The following TERF2 variants were observed in gnomAD, a reference collection of about 807,000 sequenced individuals.
TERF2 encodes telomeric repeat binding factor 2, also known as telomeric repeat-binding factor 2.
In TERF2, 16 loss-of-function variants were observed where a neutral mutation model predicts 56.1. That is an observed-to-expected ratio of 0.29 (90% CI 0.19 to 0.43). The LOEUF is 0.43. Among genes scored for constraint, TERF2 ranks in the 20% least tolerant of loss-of-function variants. TERF2 has a pLI of 1.00. For synonymous variants in TERF2, 296 were observed against 282.1 expected (o/e 1.05, Z -0.50); for missense variants, 547 against 712.9 (o/e 0.77, Z 2.65).
At chr16:69,382,865 A>G (rs1265384167) in intron 3 of TERF2, among the ~76,000 whole-genome samples, 1 of 152,202 alleles carries the variant, frequency 6.6e-6, no homozygotes, top group Non-Finnish European at 1.5e-5. Flanking sequence ...CTGAAAGATA[A>G]TATTAACTGT....
chr16:69,357,033 C>G lies in TERF2; in HGVS notation c.1494G>C (p.Glu498Asp). ...KKQKWTVEES[E>D]WVKAGVQKYG... Reference sequence around the variant, plus strand: ...ATTTCTGCACTCCAGCCTTGACCCACTCGCTTTCTTCTACAGTCCACTTCT... The same window carrying G: ...ATTTCTGCACTCCAGCCTTGACCCAGTCGCTTTCTTCTACAGTCCACTTCT... Residue 498 changes from glutamate (E) to aspartate (D), a missense_variant, in exon 10 of 10, where the codon GAG (glutamate) becomes GAC (aspartate). Coordinates refer to ENST00000254942, the MANE Select transcript of TERF2 (RefSeq NM_005652.5). 6.2e-7 allele frequency: 1 copy of G among 1,611,972 alleles called. No individual in the cohort carries two copies. The highest frequency in any genetic ancestry group is 8.5e-7 in the Non-Finnish European group (1 of 1,179,462).
At chr16:69,371,670 C>T (rs1320845329) in intron 4 of TERF2, among the ~76,000 whole-genome samples, 4 of 151,840 alleles carry the variant, frequency 2.6e-5, no homozygotes, top group Admixed American at 6.6e-5. Context: ...TAAAAATTAG[C>T]CATGTGTGGT....
At chr16:69,377,317 A>G (rs2013831436) in intron 3 of TERF2, among the ~76,000 whole-genome samples, 1 of 151,870 alleles carries the variant, frequency 6.6e-6, no homozygotes, top group African/African-American at 2.4e-5. Flanking sequence ...CATGAACATG[A>G]ACATTCAGTC....
Position 69,370,724 on chromosome 16 carries a change from C to T in TERF2, c.694-95G>A, listed in dbSNP as rs950886596. On this transcript the variant is annotated intron_variant, in intron 4 of 9. Coordinates refer to ENST00000254942, the MANE Select transcript of TERF2 (RefSeq NM_005652.5). ...GAGACAGACACTATGAGAACTTCTG[C>T]AATGCCGTCAATGCAAATCACTGGC... 1.3e-5 allele frequency: 16 copies of T among 1,188,198 alleles called. No homozygotes were observed. In the Admixed American group the frequency reaches 3.1e-4, roughly 23 times the overall value. The allele number at this position is 1,188,198 out of a possible 1,614,324, so 73.6% of individuals were successfully genotyped here. A position where few individuals can be genotyped will look rare whatever the true frequency, so the allele number is the denominator to read the frequency against.
chr16:69,373,282 T>TA (rs1454186490), intron 3 of TERF2, among the ~76,000 whole-genome samples: 3 of 152,020 alleles, frequency 2.0e-5, no homozygotes, highest in Non-Finnish European at 2.9e-5. Context: ...CCAGGTAAGA[T>TA]AAGGTCTCAC....
chr16:69,377,304 A>C (rs2142756903), intron 3 of TERF2, among the ~76,000 whole-genome samples: 1 of 152,184 alleles, frequency 6.6e-6, no homozygotes, highest in African/African-American at 2.4e-5. Context: ...ATGTCTTCCA[A>C]TCCATGAACA....
rs567193644 is a variant in TERF2 at position 69,367,907 on chromosome 16, A to T, written c.947+469T>A. Among the ~76,000 whole-genome samples, 9 of 152,354 alleles carry T rather than the reference A, an allele frequency of 5.9e-5. No individual in the cohort carries two copies. In the South Asian group the frequency reaches 1.7e-3, roughly 28 times the overall value. On this transcript the variant is annotated intron_variant, in intron 6 of 9. Coordinates refer to ENST00000254942, the MANE Select transcript of TERF2 (RefSeq NM_005652.5). ...ATACTCCCACAGAGCAACAACCACA[A>T]GAAGCTGAAAAGCACATCCCCTGGT...
At chr16:69,361,225 C>G (rs1422425339) in intron 8 of TERF2, 179 bp downstream of exon 8, 1 of 602,768 alleles carries the variant, frequency 1.7e-6, no homozygotes, top group Admixed American at 2.9e-5. Flanking sequence ...GAGCAAGACC[C>G]TGTCTGAAAA....
intron 3 of TERF2, among the ~76,000 whole-genome samples, chr16:69,380,071 C>A (rs1361850786): frequency 6.6e-6 from 1 of 151,850 alleles, no homozygotes; most frequent in African/African-American, 2.4e-5. Context: ...GGGCCACACA[C>A]CCGGCTAATT....
In TERF2 at chr16:69,356,317, C is replaced by A; in HGVS notation, c.*581G>T. On this transcript the variant is annotated 3_prime_UTR_variant, in exon 10 of 10. Coordinates refer to ENST00000254942, the MANE Select transcript of TERF2 (RefSeq NM_005652.5). ...CAGGGATTTAAATTTAAGCAAACCACTAAAGAAGGGAAACGCTAATGATAT... is the reference window on the plus strand; with the variant it reads ...CAGGGATTTAAATTTAAGCAAACCAATAAAGAAGGGAAACGCTAATGATAT... 2.5e-6 allele frequency: 1 copy of A among 400,064 alleles called. No individual in the cohort carries two copies. Among genetic ancestry groups the A allele is most frequent in the Non-Finnish European group, 4.9e-6 (1 of 203,174 alleles). The allele number at this position is 400,064 out of a possible 1,614,324, so 24.8% of individuals were successfully genotyped here.
At chr16:69,370,371 G>T in intron 5 of TERF2, 112 bp downstream of exon 5, 1 of 1,387,026 alleles carries the variant, frequency 7.2e-7, no homozygotes, top group Non-Finnish European at 9.8e-7. Context: ...GAAAGCTAGT[G>T]CATACAATTC....
intron 5 of TERF2, 112 bp downstream of exon 5, chr16:69,370,371 G>A: frequency 1.2e-5 from 16 of 1,387,030 alleles, no homozygotes; most frequent in Non-Finnish European, 1.5e-5. Context: ...GAAAGCTAGT[G>A]CATACAATTC....
intron 9 of TERF2, 129 bp downstream of exon 9, chr16:69,357,389 G>T (rs2012943680): frequency 2.7e-6 from 2 of 740,742 alleles, no homozygotes; most frequent in Non-Finnish European, 4.5e-6. Flanking sequence ...ACTTAGTTTG[G>T]ATTATCTGAA....
At chr16:69,370,764 G>C (rs550126549) in intron 4 of TERF2, 135 bp from the exon 5 acceptor site, 1 of 852,014 alleles carries the variant, frequency 1.2e-6, no homozygotes, top group South Asian at 1.8e-5. Context: ...ATACAGGAAG[G>C]GAAGCCCAAC....
intron 8 of TERF2, among the ~76,000 whole-genome samples, chr16:69,358,089 T>C (rs1394557852): frequency 2.0e-5 from 3 of 151,942 alleles, no homozygotes; most frequent in Admixed American, 6.6e-5. Context: ...CTCGGCTCAC[T>C]GCAAGCTCCG....
chr16:69,372,491 G>T, intron 3 of TERF2, 136 bp from the exon 4 acceptor site: 3 of 557,104 alleles, frequency 5.4e-6, no homozygotes, highest in Non-Finnish European at 5.9e-6. Context: ...AGCCAGGCGC[G>T]GTGGCTCACG....
chr16:69,365,522 GTTTT>G (rs1438732738), intron 7 of TERF2: 4 of 152,472 alleles, frequency 2.6e-5, no homozygotes, highest in African/African-American at 9.7e-5. Context: ...GGGAGAAGTT[GTTTT>G]TGTTTTTGTT....
chr16:69,363,234 C>A (rs1399575009), intron 7 of TERF2, among the ~76,000 whole-genome samples: 3 of 152,152 alleles, frequency 2.0e-5, no homozygotes, highest in African/African-American at 7.2e-5. Flanking sequence ...TATCCCAGTG[C>A]TGGAATAAAA....
chr16:69,362,415 C>T (rs936323105), intron 7 of TERF2, among the ~76,000 whole-genome samples: 7 of 152,148 alleles, frequency 4.6e-5, no homozygotes, highest in African/African-American at 9.7e-5. Flanking sequence ...AGGACCGCCT[C>T]GAAGGCGGGG....
Sources: gnomAD v4.1 joint callset for allele counts (sites outside exome capture counted in the v4.1 genomes callset) on GRCh38, gnomAD v4.1.1 for gene constraint, MANE v1.5 for transcripts, NCBI Gene and HGNC (gene_info 2026-07-23, HGNC 2026-07-21) for gene names.